Variants in GNAI3 observed in about 807,000 individuals in gnomAD.
The protein encoded by GNAI3 is G protein subunit alpha i3.
A neutral mutation model predicts 41.8 loss-of-function variants in GNAI3; 12 were observed. The observed-to-expected ratio is 0.29, with a 90% confidence interval of 0.18 to 0.47. GNAI3 has a LOEUF of 0.47. Ranked by LOEUF, GNAI3 falls within the 20% of genes least tolerant of loss-of-function variation. The pLI is 1.00. For missense variants in GNAI3, 360 were observed against 429.6 expected, an observed-to-expected ratio of 0.84 and a Z score of 1.43; for synonymous variants, 132 against 146.5, an observed-to-expected ratio of 0.90 and a Z score of 0.71.
At chr1:109,555,971 T>TGC (rs60956139) in intron 1 of GNAI3, among the ~76,000 whole-genome samples, 1 of 127,526 alleles carries the variant, frequency 7.8e-6, no homozygotes, top group East Asian at 2.5e-4. Flanking sequence ...TGCGTGTGTG[T>TGC]GTGTGTGTGT....
At chr1:109,560,339 A>G (rs887758808) in intron 1 of GNAI3, among the ~76,000 whole-genome samples, 1 of 152,222 alleles carries the variant, frequency 6.6e-6, no homozygotes, top group Admixed American at 6.5e-5. Context: ...CCTTGGAAGT[A>G]GATAGTATTC....
In GNAI3 at chr1:109,599,961, C is replaced by T. The variant is rs1378728355; in HGVS notation, c.*7639C>T. ...GAGTTCTAGTTCTGCTACTGCCTAG[C>T]GTTGTGATCTTGATGAAGATACTCT... On this transcript the variant is annotated 3_prime_UTR_variant, in exon 9 of 9. Transcript: ENST00000369851. 1.3e-5 allele frequency: 2 copies of T among 152,032 alleles called. No homozygotes were observed. The highest frequency in any genetic ancestry group is 6.6e-5 in the Admixed American group (1 of 15,260). 9.4% of individuals were successfully genotyped at this position (152,032 alleles called of 1,614,324 possible). A position where few individuals can be genotyped will look rare whatever the true frequency, so the allele number is the denominator to read the frequency against.
Position 109,592,073 on chromosome 1 carries a change from A to G in GNAI3, c.905A>G (p.Tyr302Cys), listed in dbSNP as rs758878530. The change falls in exon 8 of 9, where the codon TAT becomes TGT. Residue 302 changes from tyrosine (Y) to cysteine (C), a missense_variant. Physicochemically the swap from Tyr to Cys is radical, Grantham distance 194. Transcript: ENST00000369851. ...GSNTYEEAAA[Y>C]IQCQFEDLNR... is the part of the protein sequence containing the mutation. ...AATACATATGAAGAGGCAGCTGCCT[A>G]TATTCAATGCCAGTTTGAAGATCTG... is the stretch of plus-strand genomic sequence containing the variant. 4.3e-6 allele frequency: 7 copies of G among 1,612,498 alleles called. No homozygotes were observed. The African/African-American group carries it at 8.0e-5, about 18-fold the overall frequency.
At chr1:109,577,269 G>GTTTTTTTTT (rs1395067814) in intron 3 of GNAI3, among the ~76,000 whole-genome samples, 26 of 138,994 alleles carry the variant, frequency 1.9e-4, no homozygotes, top group African/African-American at 6.8e-4. Flanking sequence ...TAGCTAAGGT[G>GTTTTTTTTT]TTTTTTTTGT....
chr1:109,563,238 C>T (rs934003841), intron 1 of GNAI3, among the ~76,000 whole-genome samples: 6 of 152,074 alleles, frequency 3.9e-5, no homozygotes, highest in East Asian at 1.9e-4. Context: ...AAAAATTAGC[C>T]GGTGTGGTGA....
At chr1:109,574,657 A>T (rs993670335) in intron 3 of GNAI3, among the ~76,000 whole-genome samples, 3 of 152,196 alleles carry the variant, frequency 2.0e-5, no homozygotes, top group African/African-American at 4.8e-5. Context: ...AAATTAGAGC[A>T]TGTGTAATTA....
intron 1 of GNAI3, 31 bp downstream of exon 1, chr1:109,548,869 G>A (rs369328675): frequency 9.7e-5 from 136 of 1,406,152 alleles, no homozygotes; most frequent in Middle Eastern, 1.8e-4. Flanking sequence ...ACTGAGTGGT[G>A]GTCGGGAGAG....
chr1:109,566,324 TA>T (rs1237361293), intron 1 of GNAI3, among the ~76,000 whole-genome samples: 1 of 152,144 alleles, frequency 6.6e-6, no homozygotes, highest in Non-Finnish European at 1.5e-5. Context: ...ACAAGAAAAA[TA>T]GATCTGTAAC....
At chr1:109,590,705 GGT>G (rs1459244456) in intron 7 of GNAI3, among the ~76,000 whole-genome samples, 1 of 151,538 alleles carries the variant, frequency 6.6e-6, no homozygotes. Context: ...CTCTACTACA[GGT>G]GCCCACCACC....
chr1:109,563,431 ATCCCTG>A (rs568456936), intron 1 of GNAI3, among the ~76,000 whole-genome samples: 14 of 152,272 alleles, frequency 9.2e-5, no homozygotes, highest in Non-Finnish European at 1.9e-4. Context: ...CCAGAGGATG[ATCCCTG>A]TCCTTGCTCA....
intron 7 of GNAI3, among the ~76,000 whole-genome samples, chr1:109,590,983 TTTG>T (rs937584975): frequency 2.0e-5 from 3 of 152,362 alleles, no homozygotes; most frequent in Admixed American, 2.0e-4. Flanking sequence ...ATGAATTGTC[TTTG>T]TTGCGTTTCC....
At chr1:109,586,374 G>A (rs1484087585) in intron 6 of GNAI3, 29 bp downstream of exon 6, 9 of 1,587,434 alleles carry the variant, frequency 5.7e-6, no homozygotes, top group Non-Finnish European at 6.9e-6. Context: ...TAAAAAGCCT[G>A]TCTAATGTAG....
At chr1:109,553,829 A>G (rs1284800711) in intron 1 of GNAI3, among the ~76,000 whole-genome samples, 1 of 152,178 alleles carries the variant, frequency 6.6e-6, no homozygotes, top group Non-Finnish European at 1.5e-5. Flanking sequence ...CACTGTACCC[A>G]ATGTATAGTC....
chr1:109,552,046 C>T (rs1390268029), intron 1 of GNAI3, among the ~76,000 whole-genome samples: 2 of 151,982 alleles, frequency 1.3e-5, no homozygotes, highest in Non-Finnish European at 2.9e-5. Flanking sequence ...CCTGTAGTCC[C>T]AGCTACTTGG....
At chr1:109,584,746 A>G (rs910036925) in intron 5 of GNAI3, among the ~76,000 whole-genome samples, 1 of 152,222 alleles carries the variant, frequency 6.6e-6, no homozygotes, top group Non-Finnish European at 1.5e-5. Context: ...CTCTTAGTGA[A>G]TGATATTGTA....
Position 109,598,949 on chromosome 1 carries a change from T to A in GNAI3, c.*6627T>A. On this transcript the variant is annotated 3_prime_UTR_variant, in exon 9 of 9. Transcript: ENST00000369851. ...TAAGAGCTCTTCACCCTTCACCACC[T>A]TCTCCACCCAGCATGGCCGGCACAC... 2 of 534,950 alleles carry A rather than the reference T, an allele frequency of 3.7e-6. No homozygotes were observed. The highest frequency in any genetic ancestry group is 1.4e-5 in the South Asian group (1 of 71,818). 33.1% of individuals were successfully genotyped at this position (534,950 alleles called of 1,614,324 possible).
At chr1:109,564,477 AT>A (rs1459968154) in intron 1 of GNAI3, among the ~76,000 whole-genome samples, 3 of 151,130 alleles carry the variant, frequency 2.0e-5, no homozygotes, top group African/African-American at 4.9e-5. Flanking sequence ...GTCACTGCAT[AT>A]TTTTCTGTTC....
chr1:109,551,782 G>A (rs748156802), intron 1 of GNAI3, among the ~76,000 whole-genome samples: 1 of 152,200 alleles, frequency 6.6e-6, no homozygotes, highest in Non-Finnish European at 1.5e-5. Flanking sequence ...ACCAAATTAA[G>A]CAGCTAGTGT....
In GNAI3 at chr1:109,586,821, A is replaced by G. The variant is rs756922631; in HGVS notation, c.813A>G (p.Lys271=). The change falls in exon 7 of 9, where the codon AAA becomes AAG. Residue 271 remains lysine, a synonymous_variant. Coordinates refer to ENST00000369851, the MANE Select transcript of GNAI3 (RefSeq NM_006496.4). ...ETSIILFLNK[K]DLFEEKIKRS... ...CAATCATTCTCTTCCTTAACAAGAA[A>G]GACCTTTTTGAGGAAAAAATAAAGA... 3 of 1,598,704 alleles carry G rather than the reference A, an allele frequency of 1.9e-6. No homozygotes were observed. Among genetic ancestry groups the G allele is most frequent in the South Asian group, 1.1e-5 (1 of 90,718 alleles).
Sources: allele counts gnomAD v4.1 joint callset (sites outside exome capture counted in the v4.1 genomes callset), GRCh38; gene constraint gnomAD v4.1.1; transcripts MANE v1.5; gene names NCBI Gene and HGNC (gene_info 2026-07-23, HGNC 2026-07-21).